GLB1: variants seen among roughly 807,000 people sequenced by gnomAD.
GLB1 encodes the protein beta-galactosidase.
In GLB1, 56 loss-of-function variants were observed where a neutral mutation model predicts 74.0. That is an observed-to-expected ratio of 0.76 (90% CI 0.61 to 0.94). GLB1 has a LOEUF of 0.94. GLB1 is among the 40% of genes least tolerant of loss of function. The pLI, the probability that GLB1 is intolerant of heterozygous loss-of-function variation, is 0.00. For missense variants in GLB1, 787 were observed against 845.5 expected, an observed-to-expected ratio of 0.93 and a Z score of 0.86; for synonymous variants, 323 against 323.6, an observed-to-expected ratio of 1.00 and a Z score of 0.02.
chr3:33,089,549 G>C (rs1355516175), intron 1 of GLB1, among the ~76,000 whole-genome samples: 1 of 152,068 alleles, frequency 6.6e-6, no homozygotes, highest in Non-Finnish European at 1.5e-5. Flanking sequence ...AATGTGGCAT[G>C]AAAATACAAG....
the GLB1 span, among the ~76,000 whole-genome samples, chr3:32,969,001 C>T: frequency 2.0e-5 from 3 of 152,240 alleles, no homozygotes; most frequent in African/African-American, 7.2e-5. Flanking sequence ...ACCTTAGCTC[C>T]TCATCAAGTC....
intron 15 of GLB1, among the ~76,000 whole-genome samples, chr3:33,011,448 T>TAA (rs63030461): frequency 3.6e-4 from 52 of 143,004 alleles, no homozygotes; most frequent in African/African-American, 1.2e-3. Context: ...CCAATAAAAA[T>TAA]AAAAAAAAAA....
At chr3:33,046,880 C>A (rs192942639) in intron 9 of GLB1, among the ~76,000 whole-genome samples, 1 of 152,288 alleles carries the variant, frequency 6.6e-6, no homozygotes, top group East Asian at 1.9e-4. Flanking sequence ...ATTCTCCCAG[C>A]AGCTAGGGCT....
intron 1 of GLB1, among the ~76,000 whole-genome samples, chr3:33,079,990 C>T (rs1700266513): frequency 6.6e-6 from 1 of 152,184 alleles, no homozygotes; most frequent in East Asian, 1.9e-4. Context: ...CACTATGTTG[C>T]CCAGGCTGGT....
rs201237360 is a variant in GLB1, at chr3:33,093,168, T to C, written c.75+3843A>G. 181 of 1,614,174 alleles carry C rather than the reference T, an allele frequency of 1.1e-4. 1 individual carries two copies. The South Asian group carries it at 1.9e-3, about 17-fold the overall frequency. On this transcript the variant is annotated intron_variant, in intron 1 of 15. Transcript: ENST00000307363. This position sits in a 1 kb window ranked among gnomAD's most constrained non-coding sequence, Gnocchi z 6.0. ...AAGATCCATGCCATGGCCAGAGTAG[T>C]GCAGGATGTCTGCTTCAATATCGTC...
intron 1 of GLB1, chr3:33,094,324 C>G: frequency 4.8e-6 from 7 of 1,468,460 alleles, no homozygotes; most frequent in Non-Finnish European, 6.3e-6. Context: ...GAACCAGCAT[C>G]AGCTTTGTGG....
intron 1 of GLB1, 98 bp downstream of exon 1, chr3:33,096,913 C>T: frequency 9.2e-6 from 14 of 1,529,514 alleles, no homozygotes; most frequent in Non-Finnish European, 1.2e-5. Flanking sequence ...CTCAGGCTCC[C>T]CGCCCTGCGG....
At chr3:32,988,472 T>G in the GLB1 span, among the ~76,000 whole-genome samples, 2 of 152,230 alleles carry the variant, frequency 1.3e-5, no homozygotes, top group South Asian at 4.1e-4. Flanking sequence ...CACTGACGTT[T>G]TATATCAGAG....
Position 33,021,586 on chromosome 3 carries a change from T to C in GLB1, c.1213A>G (p.Thr405Ala). 1 of 1,614,028 alleles carries C rather than the reference T, an allele frequency of 6.2e-7. No individual in the cohort carries two copies. The change falls in exon 12 of 16, where the codon ACA becomes GCA. Residue 405 changes from threonine (T) to alanine (A), a missense_variant. Thr to Ala is a moderately conservative substitution (Grantham distance 58). Transcript: ENST00000307363. ...SGPIKSLYPL[T>A]FIQVKQHYGF... Reference sequence around the variant, plus strand: ...CCTACCTGTTTCACCTGGATAAATGTCAAGGGATAAAGGCTTTTGATGGGC... The same window carrying C: ...CCTACCTGTTTCACCTGGATAAATGCCAAGGGATAAAGGCTTTTGATGGGC...
At chr3:33,045,673 G>C (rs1698710809) in intron 10 of GLB1, 1 of 1,021,684 alleles carries the variant, frequency 9.8e-7, no homozygotes, top group African/African-American at 1.7e-5. Flanking sequence ...TGTGTCTCAA[G>C]GATAGGGGCT....
intron 9 of GLB1, among the ~76,000 whole-genome samples, chr3:33,048,243 T>G (rs1698823044): frequency 6.6e-6 from 1 of 152,078 alleles, no homozygotes; most frequent in Non-Finnish European, 1.5e-5. Flanking sequence ...TCCAGTGGGT[T>G]TAAGGATGGA....
intron 1 of GLB1, among the ~76,000 whole-genome samples, chr3:33,082,302 G>A (rs188261743): frequency 2.2e-4 from 34 of 152,320 alleles, no homozygotes; most frequent in African/African-American, 6.7e-4. Flanking sequence ...TGAGTTCAAA[G>A]TGGGATGGTT....
the GLB1 span, among the ~76,000 whole-genome samples, chr3:32,977,354 C>A: frequency 6.6e-6 from 1 of 151,816 alleles, no homozygotes; most frequent in South Asian, 2.1e-4. Flanking sequence ...TACAGGCGCC[C>A]ACCACCACAC....
chr3:33,025,187 C>T (rs1299596214), intron 10 of GLB1, among the ~76,000 whole-genome samples: 2 of 152,148 alleles, frequency 1.3e-5, no homozygotes, highest in African/African-American at 2.4e-5. Context: ...TCAGGTGATC[C>T]GCCCGCCTCA....
chr3:33,020,901 CAG>C (rs998438207), intron 12 of GLB1, among the ~76,000 whole-genome samples: 6 of 152,006 alleles, frequency 3.9e-5, no homozygotes, highest in African/African-American at 1.5e-4. Flanking sequence ...ACTACATACA[CAG>C]AGAGAAAAAG....
chr3:33,049,147 T>C (rs1698868331), intron 9 of GLB1, among the ~76,000 whole-genome samples: 1 of 152,152 alleles, frequency 6.6e-6, no homozygotes, highest in South Asian at 2.1e-4. Context: ...CTGGATCGGA[T>C]GATTGGTCCC....
intron 1 of GLB1, chr3:33,092,698 A>C: frequency 6.9e-7 from 1 of 1,445,882 alleles, no homozygotes; most frequent in Non-Finnish European, 9.1e-7. Context: ...TCACTGTTTG[A>C]GTCAGGCTTG....
Position 33,068,301 on chromosome 3 carries a change from G to C in GLB1, c.397-11C>G, listed in dbSNP as rs752972662. On this transcript the variant is annotated splice_polypyrimidine_tract_variant and intron_variant, in intron 3 of 15. Transcript: ENST00000307363. ...AGCAGGTAATCCTCCCTAGTTCAGG[G>C]AAAACAAGCCATTATAATGTCTGTT... The C allele has an allele frequency of 6.2e-7, 1 of 1,613,188 alleles. No homozygotes were observed. Among genetic ancestry groups the C allele is most frequent in the Admixed American group, 1.7e-5 (1 of 59,878 alleles).
the GLB1 span, among the ~76,000 whole-genome samples, chr3:32,973,592 C>T: frequency 4.6e-5 from 7 of 152,018 alleles, no homozygotes; most frequent in Admixed American, 1.3e-4. Flanking sequence ...GTGATCTGCC[C>T]GCCTTGGCCT....
Sources: allele counts gnomAD v4.1 joint callset (sites outside exome capture counted in the v4.1 genomes callset), GRCh38; gene constraint gnomAD v4.1.1; non-coding constraint Gnocchi (gnomAD v3.1); transcripts MANE v1.5; gene names NCBI Gene and HGNC (gene_info 2026-07-23, HGNC 2026-07-21).